The following MTPN variants were observed in gnomAD, a reference collection of about 807,000 sequenced individuals.
The protein encoded by MTPN is myotrophin.
In MTPN, 2 loss-of-function variants were observed where a neutral mutation model predicts 13.5. The observed-to-expected ratio is 0.15, with a 90% CI of 0.06 to 0.47. MTPN has a LOEUF of 0.47. Ranked by LOEUF, MTPN falls within the 20% of genes least tolerant of loss-of-function variation. MTPN has a pLI of 0.97. For missense variants in MTPN, 79 were observed against 137.9 expected (o/e 0.57, Z 2.14); for synonymous variants, 46 against 51.7 (o/e 0.89, Z 0.48).
intron 3 of MTPN, among the ~76,000 whole-genome samples, chr7:135,943,678 G>A (rs980872942): frequency 1.3e-5 from 2 of 152,146 alleles, no homozygotes; most frequent in Non-Finnish European, 2.9e-5. Context: ...AAACAGCTGA[G>A]TCACTAAAAT....
At chr7:135,942,323 C>T (rs892875374) in intron 3 of MTPN, among the ~76,000 whole-genome samples, 5 of 152,126 alleles carry the variant, frequency 3.3e-5, no homozygotes, top group Non-Finnish European at 7.4e-5. Flanking sequence ...CTTTCCTTTC[C>T]TGAGAAGCAC....
intron 1 of MTPN, among the ~76,000 whole-genome samples, chr7:135,968,889 T>C (rs1377403488): frequency 6.6e-6 from 1 of 151,966 alleles, no homozygotes; most frequent in Non-Finnish European, 1.5e-5. Flanking sequence ...CTAAAACCTA[T>C]TTTGAAACCA....
chr7:135,959,365 T>C (rs1799489524), intron 1 of MTPN, among the ~76,000 whole-genome samples: 1 of 152,174 alleles, frequency 6.6e-6, no homozygotes, highest in African/African-American at 2.4e-5. Context: ...CAGACACCCT[T>C]TGCCTTGGAG....
At chr7:135,943,004 G>T (rs1799237723) in intron 3 of MTPN, among the ~76,000 whole-genome samples, 1 of 152,204 alleles carries the variant, frequency 6.6e-6, no homozygotes. Flanking sequence ...TATTTATGGG[G>T]TAAATCTTGT....
At position 135,972,217 on chromosome 7, in the gene MTPN, ACGCG is replaced by A. The variant is rs1211441246; in HGVS notation, c.72+4808_72+4811del. On this transcript the variant is annotated intron_variant, in intron 1 of 3. Transcript: ENST00000393085. ...TATGGTTATAAATACACACGCGCACACGCGCACGCGCGCGCACACACACACACAC... is the reference window on the plus strand; with the variant it reads ...TATGGTTATAAATACACACGCGCACACACGCGCGCGCACACACACACACAC... Among the ~76,000 whole-genome samples, 328 of 83,576 alleles carry A rather than the reference ACGCG, an allele frequency of 3.9e-3. 4 individuals carry two copies. The highest frequency in any genetic ancestry group is 0.015 in the African/African-American group (316 of 21,650). 54.8% of individuals were successfully genotyped at this position (83,576 alleles called of 152,430 possible).
At chr7:135,962,570 T>C (rs1799541276) in intron 1 of MTPN, among the ~76,000 whole-genome samples, 1 of 152,100 alleles carries the variant, frequency 6.6e-6, no homozygotes, top group Non-Finnish European at 1.5e-5. Context: ...CACTGTTCAC[T>C]AGATTTTTCC....
intron 1 of MTPN, among the ~76,000 whole-genome samples, chr7:135,974,622 A>T (rs1799745013): frequency 6.6e-6 from 1 of 152,202 alleles, no homozygotes; most frequent in Non-Finnish European, 1.5e-5. Context: ...AATATGAGAG[A>T]TCTTCACAGG....
intron 1 of MTPN, among the ~76,000 whole-genome samples, chr7:135,972,231 G>GCACACACACACACACA (rs67168370): frequency 8.0e-6 from 1 of 124,714 alleles, no homozygotes; most frequent in South Asian, 2.5e-4. Flanking sequence ...GCACGCGCGC[G>GCACACACACACACACA]CACACACACA....
At chr7:135,942,823 T>C (rs956171354) in intron 3 of MTPN, among the ~76,000 whole-genome samples, 1 of 152,230 alleles carries the variant, frequency 6.6e-6, no homozygotes, top group Non-Finnish European at 1.5e-5. Context: ...CTTGTGTGTG[T>C]GTAGGTGTGT....
intron 1 of MTPN, among the ~76,000 whole-genome samples, chr7:135,963,873 C>G (rs1174024497): frequency 6.6e-6 from 1 of 151,926 alleles, no homozygotes. Flanking sequence ...TTATTAAATA[C>G]ACACCATTTT....
intron 1 of MTPN, among the ~76,000 whole-genome samples, chr7:135,958,182 T>C (rs1485429844): frequency 6.6e-6 from 1 of 152,172 alleles, no homozygotes; most frequent in Non-Finnish European, 1.5e-5. Context: ...TTTCATTACA[T>C]TTACCTCTAT....
chr7:135,937,277 T>G (rs1799129214), intron 3 of MTPN, among the ~76,000 whole-genome samples: 1 of 152,076 alleles, frequency 6.6e-6, no homozygotes, highest in Non-Finnish European at 1.5e-5. Flanking sequence ...ACAAGCAGCT[T>G]TGTTTCCATG....
At chr7:135,969,884 A>C (rs1368123706) in intron 1 of MTPN, among the ~76,000 whole-genome samples, 1 of 152,224 alleles carries the variant, frequency 6.6e-6, no homozygotes, top group African/African-American at 2.4e-5. Flanking sequence ...AGACATAAAC[A>C]ATCATTTTTC....
chr7:135,954,071 A>C (rs1441569933), intron 1 of MTPN, among the ~76,000 whole-genome samples: 1 of 152,216 alleles, frequency 6.6e-6, no homozygotes, highest in Non-Finnish European at 1.5e-5. Flanking sequence ...TTGTGGGACC[A>C]GAGACCAGGT....
chr7:135,959,868 T>G (rs375896133), intron 1 of MTPN, among the ~76,000 whole-genome samples: 1 of 152,114 alleles, frequency 6.6e-6, no homozygotes, highest in African/African-American at 2.4e-5. Context: ...ATAAACTAAG[T>G]GTATTGCCTC....
intron 1 of MTPN, among the ~76,000 whole-genome samples, chr7:135,970,126 T>C (rs931820403): frequency 2.0e-5 from 3 of 152,228 alleles, no homozygotes; most frequent in South Asian, 4.1e-4. Flanking sequence ...CATACGGGAA[T>C]AGTTAAATAA....
In MTPN at chr7:135,928,165, A is replaced by G. The variant is rs1798955457; in HGVS notation, c.*1761T>C. ...TAGGCTGCATTAAGACAGCAAAATTAGCCAAATACAACAAAGTATTTAAAC... is the reference window on the plus strand; with the variant it reads ...TAGGCTGCATTAAGACAGCAAAATTGGCCAAATACAACAAAGTATTTAAAC... On this transcript the variant is annotated 3_prime_UTR_variant, in exon 4 of 4. Coordinates refer to ENST00000393085, the MANE Select transcript of MTPN (RefSeq NM_145808.4). 1 of 167,792 alleles carries G rather than the reference A, an allele frequency of 6.0e-6. No homozygotes were observed. The highest frequency in any genetic ancestry group is 1.5e-5 in the Non-Finnish European group (1 of 68,676). The allele number at this position is 167,792 out of a possible 1,614,324, so 10.4% of individuals were successfully genotyped here. A position where few individuals can be genotyped will look rare whatever the true frequency, so the allele number is the denominator to read the frequency against.
At chr7:135,973,188 T>G (rs954013387) in intron 1 of MTPN, among the ~76,000 whole-genome samples, 1 of 149,728 alleles carries the variant, frequency 6.7e-6, no homozygotes, top group African/African-American at 2.5e-5. Context: ...CTAAACTGTG[T>G]AAACTGACCA....
At chr7:135,951,433 A>G in intron 2 of MTPN, 84 bp downstream of exon 2, 1 of 668,762 alleles carries the variant, frequency 1.5e-6, no homozygotes, top group Non-Finnish European at 2.3e-6. Flanking sequence ...TTCTACAAAT[A>G]GCTATTTTAT....
Sources: gnomAD v4.1 joint callset for allele counts (sites outside exome capture counted in the v4.1 genomes callset) on GRCh38, gnomAD v4.1.1 for gene constraint, MANE v1.5 for transcripts, NCBI Gene and HGNC (gene_info 2026-07-23, HGNC 2026-07-21) for gene names.